The following VPS13C variants were observed in gnomAD, a reference collection of about 807,000 sequenced individuals.
VPS13C encodes the protein vacuolar protein sorting 13 homolog C.
VPS13C carries 358 observed loss-of-function variants against 456.8 expected under a neutral mutation model. That is an observed-to-expected ratio of 0.78 (90% CI 0.72 to 0.86). VPS13C has a LOEUF of 0.86. Among genes scored for constraint, VPS13C ranks in the 40% least tolerant of loss-of-function variants. The pLI is 0.00. For synonymous variants in VPS13C, 1,578 were observed against 1,486.7 expected, an observed-to-expected ratio of 1.06 and a Z score of -1.41; for missense variants, 4,818 against 4,385.4, an observed-to-expected ratio of 1.10 and a Z score of -2.79.
rs1470839905 is a variant in VPS13C at position 61,909,028 on chromosome 15, T to C, written c.8942A>G (p.Asn2981Ser). The C allele has an allele frequency of 1.9e-6, 3 of 1,614,040 alleles. No individual in the cohort carries two copies. Among genetic ancestry groups the C allele is most frequent in the Non-Finnish European group, 2.5e-6 (3 of 1,179,994 alleles). Reference protein sequence around the residue: ...HEGSAPALIMNHTPWDILTYK... With the variant: ...HEGSAPALIMSHTPWDILTYK... ...TGTGAGGATGTCCCATGGTGTATGG[T>C]TCATTATCAAGGCAGGTGCAGATCC... The change falls in exon 65 of 85, where the codon AAC becomes AGC. Residue 2981 changes from asparagine (N) to serine (S), a missense_variant. By Grantham distance (46) the Asn-to-Ser change is conservative. Around this residue, in one of 3 missense-constraint regions of VPS13C, gnomAD observed 4,552 missense variants for 4,130.6 expected, o/e 1.10. Coordinates refer to ENST00000644861, the MANE Select transcript of VPS13C (RefSeq NM_020821.3).
At chr15:62,005,376 C>T (rs554064827) in intron 15 of VPS13C, among the ~76,000 whole-genome samples, 60 of 152,224 alleles carry the variant, frequency 3.9e-4, no homozygotes, top group African/African-American at 1.2e-3. Flanking sequence ...CTTGGTAGAT[C>T]TTCCTCCATC....
chr15:61,907,964 A>G (rs1397082364), intron 65 of VPS13C, among the ~76,000 whole-genome samples: 1 of 152,186 alleles, frequency 6.6e-6, no homozygotes, highest in Non-Finnish European at 1.5e-5. Flanking sequence ...TATGGGTCAC[A>G]GCAACAAAAA....
At chr15:61,973,356 C>T (rs2045611637) in intron 26 of VPS13C, 98 bp downstream of exon 26, 6 of 959,464 alleles carry the variant, frequency 6.3e-6, no homozygotes, top group Admixed American at 2.0e-5. Context: ...TAAATTACTA[C>T]AGCACTTTCA....
rs781340623 is a variant in VPS13C at position 61,977,161 on chromosome 15, T to A, written c.2329A>T (p.Thr777Ser). ...TCCATGGGTTGCAATATATGCATAG[T>A]TGATGGATGCTGAAATCGACACTTT... ...WKKCRFQHPS[T>S]MHILQPMDIH... Residue 777 changes from threonine (T) to serine (S), a missense_variant, in exon 24 of 85, where the codon ACT becomes TCT. Physicochemically the swap from Thr to Ser is moderately conservative, Grantham distance 58 (BLOSUM62 1). Around this residue, in one of 3 missense-constraint regions of VPS13C, gnomAD observed 4,552 missense variants for 4,130.6 expected, o/e 1.10. Coordinates refer to ENST00000644861, the MANE Select transcript of VPS13C (RefSeq NM_020821.3). 6.3e-7 allele frequency: 1 copy of A among 1,580,602 alleles called. No homozygotes were observed. The highest frequency in any genetic ancestry group is 2.3e-5 in the East Asian group (1 of 42,872).
At position 61,947,255 on chromosome 15, in the gene VPS13C, A is replaced by C. The variant is rs2044636997; in HGVS notation, c.4814T>G (p.Leu1605Ter). 1 of 1,608,994 alleles carries C rather than the reference A, an allele frequency of 6.2e-7. No individual in the cohort carries two copies. The highest frequency in any genetic ancestry group is 1.3e-5 in the African/African-American group (1 of 74,652). The change falls in exon 43 of 85, where the codon TTA becomes TGA. Residue 1605 changes from leucine (L) to a stop codon, truncating the protein, a stop_gained. Transcript: ENST00000644861. LOFTEE classifies it high-confidence loss of function. Reference protein sequence around the residue: ...DVFDLKITAELNAFNVFVCDQ... With the variant: ...DVFDLKITAE ...ACAGACAAAGACATTAAATGCATTT[A>C]ATTCAGCTGTGATCTTTAAATCAAA...
chr15:61,901,273 A>G (rs1223365453), intron 66 of VPS13C, among the ~76,000 whole-genome samples: 1 of 152,208 alleles, frequency 6.6e-6, no homozygotes, highest in East Asian at 1.9e-4. Flanking sequence ...ATCTAGTTAA[A>G]CTAAAGAGCT....
At chr15:61,856,546 C>T in intron 82 of VPS13C, 137 bp from the exon 83 acceptor site, 1 of 975,872 alleles carries the variant, frequency 1.0e-6, no homozygotes, top group East Asian at 2.9e-5. Context: ...AAAAAACCTG[C>T]TTCATTTTTT....
At chr15:62,047,038 A>T (rs139459643) in intron 1 of VPS13C, among the ~76,000 whole-genome samples, 1,697 of 152,186 alleles carry the variant, frequency 0.011, 30 homozygotes, top group African/African-American at 0.039. Flanking sequence ...AAATAAAACA[A>T]AAGTAAATTC....
chr15:61,907,468 G>A (rs1413664804), intron 65 of VPS13C, 78 bp from the exon 66 acceptor site: 11 of 1,530,212 alleles, frequency 7.2e-6, no homozygotes, highest in Non-Finnish European at 9.7e-6. Flanking sequence ...CTGAGGAAGG[G>A]ATTAGCACAG....
At chr15:61,917,708 C>T in intron 59 of VPS13C, 73 bp from the exon 60 acceptor site, 1 of 1,472,310 alleles carries the variant, frequency 6.8e-7, no homozygotes, top group Non-Finnish European at 9.2e-7. Context: ...TTAAATCTTC[C>T]TGACAACTCT....
At chr15:61,854,581 T>C in intron 84 of VPS13C, 23 bp from the exon 85 acceptor site, 1 of 1,607,894 alleles carries the variant, frequency 6.2e-7, no homozygotes, top group Non-Finnish European at 8.5e-7. Flanking sequence ...ATACTTATTA[T>C]GAATTTTAAA....
At chr15:62,050,457 G>C (rs1043189913) in intron 1 of VPS13C, among the ~76,000 whole-genome samples, 9 of 152,194 alleles carry the variant, frequency 5.9e-5, no homozygotes, top group Non-Finnish European at 1.2e-4. Flanking sequence ...CTGCTAGAAA[G>C]TCACCATAGT....
intron 20 of VPS13C, 69 bp downstream of exon 20, chr15:61,983,750 GA>G (rs765020999): frequency 4.1e-5 from 60 of 1,464,124 alleles, no homozygotes; most frequent in Non-Finnish European, 5.3e-5. Flanking sequence ...TGAAAGAGGA[GA>G]AATAAGAAAA....
chr15:61,994,297 C>T (rs1274270623), intron 16 of VPS13C, among the ~76,000 whole-genome samples: 1 of 152,150 alleles, frequency 6.6e-6, no homozygotes, highest in Non-Finnish European at 1.5e-5. Flanking sequence ...ACTAAGAATA[C>T]ACATTTAAGC....
Position 61,992,166 on chromosome 15 carries a change from C to T in VPS13C, c.1354-364G>A, listed in dbSNP as rs1021832758. On this transcript the variant is annotated intron_variant, in intron 16 of 84. Transcript: ENST00000644861. Reference sequence around the variant, plus strand: ...ATGAAAAGTTCCTTGAAAGGAAACACACCCAAAAAAGTATTAATTTAAAAC... The same window carrying T: ...ATGAAAAGTTCCTTGAAAGGAAACATACCCAAAAAAGTATTAATTTAAAAC... Among the ~76,000 whole-genome samples the T allele has an allele frequency of 3.9e-5, 6 of 152,248 alleles. No individual in the cohort carries two copies. In the South Asian group the frequency reaches 8.3e-4, roughly 21 times the overall value.
intron 53 of VPS13C, among the ~76,000 whole-genome samples, chr15:61,924,394 A>C (rs1005971595): frequency 6.6e-6 from 1 of 152,236 alleles, no homozygotes; most frequent in Non-Finnish European, 1.5e-5. Flanking sequence ...TGAAAGCTGT[A>C]ATCACTGATT....
intron 23 of VPS13C, among the ~76,000 whole-genome samples, chr15:61,978,140 A>G (rs1289946168): frequency 6.6e-6 from 1 of 152,128 alleles, no homozygotes; most frequent in Non-Finnish European, 1.5e-5. Flanking sequence ...TAATATATTA[A>G]GACTATATCT....
chr15:62,002,678 T>C (rs991883095), intron 15 of VPS13C, among the ~76,000 whole-genome samples: 1 of 139,898 alleles, frequency 7.1e-6, no homozygotes, highest in South Asian at 2.3e-4. Context: ...CTTTAATCCA[T>C]CTTGAATTGA....
chr15:61,974,466 C>T lies in VPS13C; in HGVS notation c.2409-49G>A, dbSNP rs73414611. On this transcript the variant is annotated intron_variant, in intron 24 of 84. Transcript: ENST00000644861. ...TAAGTCAGCATCTCTACATTACAAA[C>T]GAGGGAAAGAATTGCATTAATGTAA... 8,759 of 1,586,128 alleles carry T rather than the reference C, an allele frequency of 5.5e-3. 403 individuals carry two copies. In the African/African-American group the frequency reaches 0.098, roughly 18 times the overall value.
Sources: gnomAD v4.1 joint callset for allele counts (sites outside exome capture counted in the v4.1 genomes callset) on GRCh38, gnomAD v4.1.1 for gene constraint, gnomAD v4.1.1 regional missense constraint, MANE v1.5 for transcripts, NCBI Gene and HGNC (gene_info 2026-07-23, HGNC 2026-07-21) for gene names.